Variants in XKR6 observed in about 807,000 individuals in gnomAD.
The protein encoded by XKR6 is XK-related protein 6.
XKR6 carries 22 observed loss-of-function variants against 56.7 expected under a neutral mutation model. That is an observed-to-expected ratio of 0.39 (90% CI 0.28 to 0.55). The LOEUF (loss-of-function observed/expected upper bound fraction) is 0.55, where lower values mean the gene tolerates loss of function less well. Ranked by LOEUF, XKR6 falls within the 20% of genes least tolerant of loss-of-function variation. XKR6 has a pLI of 0.66. For missense variants in XKR6, 852 were observed against 889.0 expected, an observed-to-expected ratio of 0.96 and a Z score of 0.53; for synonymous variants, 524 against 387.8, an observed-to-expected ratio of 1.35 and a Z score of -4.13.
At chr8:10,973,547 C>T (rs937369585) in intron 1 of XKR6, among the ~76,000 whole-genome samples, 19 of 152,282 alleles carry the variant, frequency 1.2e-4, no homozygotes, top group African/African-American at 3.1e-4. Flanking sequence ...AAGCGTAAGG[C>T]TACTGATCTT....
intron 1 of XKR6, among the ~76,000 whole-genome samples, chr8:11,135,204 T>C (rs1398799187): frequency 6.6e-6 from 1 of 152,056 alleles, no homozygotes; most frequent in African/African-American, 2.4e-5. Flanking sequence ...TAATTTTTTG[T>C]ATTTTTAGCA....
At chr8:10,928,142 G>A (rs556874330) in intron 1 of XKR6, among the ~76,000 whole-genome samples, 3 of 152,302 alleles carry the variant, frequency 2.0e-5, no homozygotes, top group African/African-American at 7.2e-5. Context: ...ACTTTATAGT[G>A]GAGGGCCCAG....
intron 1 of XKR6, among the ~76,000 whole-genome samples, chr8:11,069,256 C>T (rs1397763148): frequency 6.6e-6 from 1 of 151,088 alleles, no homozygotes; most frequent in South Asian, 2.1e-4. Context: ...AAAAAAAAAT[C>T]TACATTTGGA....
At position 11,138,911 on chromosome 8, in the gene XKR6, C is replaced by T. The variant is rs535929761; in HGVS notation, c.764+61665G>A. Among the ~76,000 whole-genome samples the T allele has an allele frequency of 1.1e-3, 161 of 145,226 alleles. 2 individuals carry two copies. Among genetic ancestry groups the T allele is most frequent in the Non-Finnish European group, 1.8e-3 (123 of 67,468 alleles). ...TACAATGAAGTTATCTGGGCCATTTCACCGGCAGAATAAAAAAAAAAAAAA... is the reference window on the plus strand; with the variant it reads ...TACAATGAAGTTATCTGGGCCATTTTACCGGCAGAATAAAAAAAAAAAAAA... On this transcript the variant is annotated intron_variant, in intron 1 of 2. Transcript: ENST00000416569.
chr8:11,070,950 A>G (rs1800099333), intron 1 of XKR6, among the ~76,000 whole-genome samples: 2 of 152,284 alleles, frequency 1.3e-5, no homozygotes, highest in South Asian at 4.1e-4. Context: ...GAACAAATCA[A>G]CCAACCCATC....
intron 1 of XKR6, among the ~76,000 whole-genome samples, chr8:11,157,563 T>C (rs1801583089): frequency 1.3e-5 from 2 of 152,154 alleles, no homozygotes; most frequent in Non-Finnish European, 2.9e-5. Flanking sequence ...TTGCCCAGGC[T>C]GGTGTGCAGT....
chr8:10,979,630 G>A (rs1289288833), intron 1 of XKR6, among the ~76,000 whole-genome samples: 5 of 152,180 alleles, frequency 3.3e-5, no homozygotes, highest in Non-Finnish European at 7.3e-5. Flanking sequence ...GTGCAGCCTG[G>A]CTCCTCCTTG....
intron 1 of XKR6, among the ~76,000 whole-genome samples, chr8:11,186,523 G>A (rs2117108952): frequency 6.6e-6 from 1 of 152,214 alleles, no homozygotes; most frequent in African/African-American, 2.4e-5. Flanking sequence ...AACCACAGGT[G>A]TGCCACACCA....
At chr8:10,906,011 CT>C (rs1800179203) in intron 2 of XKR6, among the ~76,000 whole-genome samples, 1 of 152,206 alleles carries the variant, frequency 6.6e-6, no homozygotes, top group African/African-American at 2.4e-5. Context: ...CTGATGACTT[CT>C]ATGAGCCAGG....
intron 1 of XKR6, among the ~76,000 whole-genome samples, chr8:11,129,938 G>A (rs1387114643): frequency 6.6e-6 from 1 of 152,088 alleles, no homozygotes; most frequent in Non-Finnish European, 1.5e-5. Flanking sequence ...CGCTATCTGA[G>A]GTACAAAGCT....
intron 1 of XKR6, among the ~76,000 whole-genome samples, chr8:11,039,693 A>C (rs1799235887): frequency 6.6e-6 from 1 of 152,164 alleles, no homozygotes. Context: ...GACTCCCACC[A>C]ATTCCCATCT....
At chr8:10,970,988 G>C (rs1802392745) in intron 1 of XKR6, among the ~76,000 whole-genome samples, 1 of 151,704 alleles carries the variant, frequency 6.6e-6, no homozygotes, top group Non-Finnish European at 1.5e-5. Context: ...TCAGCTGCCA[G>C]GAAGCTCAGA....
At chr8:10,901,322 C>T (rs549828592) in intron 2 of XKR6, among the ~76,000 whole-genome samples, 3 of 152,222 alleles carry the variant, frequency 2.0e-5, no homozygotes, top group Admixed American at 2.0e-4. Context: ...TCCCAATGTG[C>T]TGGAATTACA....
chr8:10,995,340 C>T (rs1798085042), intron 1 of XKR6, among the ~76,000 whole-genome samples: 1 of 149,534 alleles, frequency 6.7e-6, no homozygotes, highest in Non-Finnish European at 1.5e-5. Context: ...CATGATGAAA[C>T]CCTATATCAC....
chr8:11,062,237 C>T (rs1246782481), intron 1 of XKR6, among the ~76,000 whole-genome samples: 2 of 152,126 alleles, frequency 1.3e-5, no homozygotes, highest in Non-Finnish European at 2.9e-5. Flanking sequence ...GAGAGCAACA[C>T]AAACTATCAC....
intron 2 of XKR6, among the ~76,000 whole-genome samples, chr8:10,920,904 C>G (rs1266475655): frequency 2.0e-5 from 3 of 152,276 alleles, no homozygotes; most frequent in African/African-American, 7.2e-5. Context: ...ACCCATTCCA[C>G]ATCCCAAACA....
intron 1 of XKR6, among the ~76,000 whole-genome samples, chr8:11,044,303 G>C (rs759202607): frequency 6.6e-6 from 1 of 152,186 alleles, no homozygotes; most frequent in Non-Finnish European, 1.5e-5. Flanking sequence ...TACTATGCGT[G>C]CATGCATTCC....
intron 1 of XKR6, among the ~76,000 whole-genome samples, chr8:11,039,152 C>T (rs545383047): frequency 8.0e-4 from 122 of 152,282 alleles, no homozygotes; most frequent in Non-Finnish European, 1.6e-3. Context: ...GGGAAGCACA[C>T]GCCGCCCCAC....
At chr8:11,020,219 C>A (rs933542408) in intron 1 of XKR6, among the ~76,000 whole-genome samples, 5 of 152,146 alleles carry the variant, frequency 3.3e-5, no homozygotes, top group African/African-American at 1.2e-4. Flanking sequence ...TTCAGGCTCT[C>A]AGTGGAGCCA....
Sources: allele counts gnomAD v4.1 joint callset (sites outside exome capture counted in the v4.1 genomes callset), GRCh38; gene constraint gnomAD v4.1.1; transcripts MANE v1.5; gene names NCBI Gene and HGNC (gene_info 2026-07-23, HGNC 2026-07-21).